The following GLT1D1 variants were observed in gnomAD, a reference collection of about 807,000 sequenced individuals.
GLT1D1 encodes glycosyltransferase 1 domain containing 1, also known as glycosyltransferase 1 domain-containing protein 1.
In GLT1D1, 21 loss-of-function variants were observed where a neutral mutation model predicts 28.7. The observed-to-expected ratio is 0.73, with a 90% CI of 0.52 to 1.05. The LOEUF (loss-of-function observed/expected upper bound fraction) is 1.05. Among genes scored for constraint, GLT1D1 ranks in the 50% least tolerant of loss-of-function variants. The pLI is 0.00. For missense variants in GLT1D1, 343 were observed against 330.6 expected (o/e 1.04, Z -0.29); for synonymous variants, 147 against 124.8 (o/e 1.18, Z -1.19).
At chr12:128,881,472 T>A (rs1441543839) in intron 2 of GLT1D1, among the ~76,000 whole-genome samples, 3 of 133,396 alleles carry the variant, frequency 2.2e-5, no homozygotes, top group Non-Finnish European at 3.1e-5. Context: ...AGGTGAACGT[T>A]GCAGTGAGCT....
rs568320803 is a variant in GLT1D1 at position 128,946,377 on chromosome 12, C to T, written c.420-961C>T. On this transcript the variant is annotated intron_variant, in intron 5 of 7. Transcript: ENST00000281703. The stretch of plus-strand genomic sequence containing the variant: ...TGTTGTTGTTGTTGAGACAGAGTTT[C>T]GCTCTGTCGCTCAGGCTGGAGTGCA... Among the ~76,000 whole-genome samples the T allele has an allele frequency of 5.5e-4, 83 of 152,208 alleles. 1 individual carries two copies. The South Asian group carries it at 0.016, about 29-fold the overall frequency.
chr12:128,903,687 T>C (rs1398053519), intron 4 of GLT1D1, among the ~76,000 whole-genome samples: 2 of 151,718 alleles, frequency 1.3e-5, no homozygotes, highest in East Asian at 1.9e-4. Flanking sequence ...AATTGATTGA[T>C]TAGGAACGAC....
intron 4 of GLT1D1, chr12:128,944,621 C>A: frequency 1.4e-6 from 1 of 737,128 alleles, no homozygotes; most frequent in Admixed American, 1.7e-5. Context: ...AGGTTAATCA[C>A]TGTGTCGGTC....
intron 2 of GLT1D1, among the ~76,000 whole-genome samples, chr12:128,887,538 A>G (rs1868543976): frequency 6.6e-6 from 1 of 151,434 alleles, no homozygotes; most frequent in African/African-American, 2.4e-5. Context: ...TCCAAAAAAA[A>G]AGAGTTGGTC....
rs1301691502 is a variant in GLT1D1 at position 128,971,492 on chromosome 12, A to G, written c.640-11437A>G. The stretch of plus-strand genomic sequence containing the variant: ...TCTGCCTCCCTCCCTCCCTCTCTCT[A>G]CCTCCCTCCCTCTCTCCCTTCCTCT... On this transcript the variant is annotated intron_variant, in intron 7 of 7. Coordinates refer to ENST00000281703, the MANE Select transcript of GLT1D1 (RefSeq NM_144669.3). Among the ~76,000 whole-genome samples the G allele has an allele frequency of 3.9e-4, 18 of 45,820 alleles. No homozygotes were observed. In the East Asian group the frequency reaches 0.013, roughly 32 times the overall value. The allele number at this position is 45,820 out of a possible 152,430, so 30.1% of individuals were successfully genotyped here. A position where few individuals can be genotyped will look rare whatever the true frequency, so the allele number is the denominator to read the frequency against.
At chr12:128,907,934 A>G (rs535497150) in intron 4 of GLT1D1, among the ~76,000 whole-genome samples, 1 of 152,146 alleles carries the variant, frequency 6.6e-6, no homozygotes, top group South Asian at 2.1e-4. Flanking sequence ...TGAGTTGTTT[A>G]CTCCATACAT....
In GLT1D1 at chr12:128,947,361, G is replaced by A. The variant is rs149067223; in HGVS notation, c.443G>A (p.Gly148Glu). 3 of 1,613,960 alleles carry A rather than the reference G, an allele frequency of 1.9e-6. No homozygotes were observed. The highest frequency in any genetic ancestry group is 2.5e-6 in the Non-Finnish European group (3 of 1,180,002). The change falls in exon 6 of 8, where the codon GGA becomes GAA. Residue 148 changes from glycine (G) to glutamate (E), a missense_variant. By Grantham distance (98) the Gly-to-Glu change is moderately conservative. Transcript: ENST00000281703. The stretch of plus-strand genomic sequence containing the variant: ...AGAGCCGCTGGGGTACGATTGATTG[G>A]AGAGATGCCTCAAGAAGATCTGCAC...
intron 4 of GLT1D1, among the ~76,000 whole-genome samples, chr12:128,918,825 A>C (rs994026850): frequency 3.3e-5 from 5 of 152,244 alleles, no homozygotes; most frequent in South Asian, 2.1e-4. Flanking sequence ...ATTTGTCATC[A>C]CATTCCATAG....
chr12:128,967,079 G>T (rs1878530771), intron 7 of GLT1D1, among the ~76,000 whole-genome samples: 1 of 152,170 alleles, frequency 6.6e-6, no homozygotes, highest in Non-Finnish European at 1.5e-5. Flanking sequence ...CTGTCCCAGG[G>T]TCAGACTTTT....
At chr12:128,935,819 C>G (rs1874494409) in intron 4 of GLT1D1, among the ~76,000 whole-genome samples, 1 of 152,094 alleles carries the variant, frequency 6.6e-6, no homozygotes, top group Non-Finnish European at 1.5e-5. Flanking sequence ...TAATTCTTAG[C>G]AAGAACTTTT....
intron 4 of GLT1D1, 134 bp from the exon 9 acceptor site, chr12:128,945,192 C>T (rs1457345018): frequency 2.7e-5 from 24 of 887,534 alleles, no homozygotes; most frequent in Admixed American, 1.4e-4. Flanking sequence ...GCAGCAGCCG[C>T]GAGGACACCC....
chr12:128,944,974 G>A, intron 4 of GLT1D1: 2 of 560,514 alleles, frequency 3.6e-6, no homozygotes, highest in Non-Finnish European at 6.4e-6. Flanking sequence ...AGGCCCCGGT[G>A]TGTGATGTTC....
At chr12:128,917,733 A>G (rs1260630515) in intron 4 of GLT1D1, among the ~76,000 whole-genome samples, 2 of 152,232 alleles carry the variant, frequency 1.3e-5, no homozygotes, top group East Asian at 3.8e-4. Flanking sequence ...TTCATCATCC[A>G]CTGATCATTA....
intron 4 of GLT1D1, among the ~76,000 whole-genome samples, chr12:128,937,620 C>A (rs867276345): frequency 6.6e-6 from 1 of 152,140 alleles, no homozygotes; most frequent in Non-Finnish European, 1.5e-5. Flanking sequence ...TATGGTTTGG[C>A]TGTGTCCCCA....
intron 4 of GLT1D1, 158 bp from the exon 9 acceptor site, chr12:128,945,168 C>T: frequency 3.8e-6 from 3 of 784,376 alleles, no homozygotes; most frequent in Non-Finnish European, 4.5e-6. Context: ...CGGGGGCCCC[C>T]ATGATCACCA....
intron 4 of GLT1D1, among the ~76,000 whole-genome samples, chr12:128,936,323 T>C (rs1010557984): frequency 1.3e-5 from 2 of 151,702 alleles, no homozygotes; most frequent in African/African-American, 4.8e-5. Flanking sequence ...CCCAGCTAAT[T>C]TTTTGTATTT....
At chr12:128,918,979 A>C (rs186851883) in intron 4 of GLT1D1, among the ~76,000 whole-genome samples, 7 of 152,350 alleles carry the variant, frequency 4.6e-5, no homozygotes, top group Admixed American at 3.3e-4. Context: ...TAGAAGTTGT[A>C]AATGTATTCA....
rs149804422 is a variant in GLT1D1 at position 128,961,132 on chromosome 12, A to G, written c.639+3489A>G. ...TTTTGTGAATCTTTTATAAAACAGTATTAGTCAGGGTTCCCCAGAGAAACA... is the reference window on the plus strand; with the variant it reads ...TTTTGTGAATCTTTTATAAAACAGTGTTAGTCAGGGTTCCCCAGAGAAACA... On this transcript the variant is annotated intron_variant, in intron 7 of 7. Transcript: ENST00000281703. Among the ~76,000 whole-genome samples, 362 of 152,344 alleles carry G rather than the reference A, an allele frequency of 2.4e-3. 3 individuals carry two copies. Among genetic ancestry groups the G allele is most frequent in the African/African-American group, 8.0e-3 (332 of 41,582 alleles).
intron 3 of GLT1D1, 91 bp downstream of exon 3, chr12:128,888,835 G>A: frequency 1.2e-6 from 1 of 829,462 alleles, no homozygotes; most frequent in Non-Finnish European, 1.9e-6. Context: ...CCAATTGCCG[G>A]GAAGGTTTAC....
Sources: gnomAD v4.1 joint callset for allele counts (sites outside exome capture counted in the v4.1 genomes callset) on GRCh38, gnomAD v4.1.1 for gene constraint, MANE v1.5 for transcripts, NCBI Gene and HGNC (gene_info 2026-07-23, HGNC 2026-07-21) for gene names.